The following TNKS variants were observed in gnomAD, a reference collection of about 807,000 sequenced individuals.
TNKS encodes tankyrase, also known as poly [ADP-ribose] polymerase tankyrase-1.
Under a neutral mutation model 135.8 loss-of-function variants are expected in TNKS, and 72 were observed. The ratio of observed to expected loss-of-function variants is 0.53; its 90% CI spans 0.44 to 0.64. TNKS has a LOEUF of 0.64. Ranked by LOEUF, TNKS falls within the 30% of genes least tolerant of loss-of-function variation. The pLI is 0.00. For missense variants in TNKS, 1,769 were observed against 1,674.0 expected (o/e 1.06, Z -0.99); for synonymous variants, 849 against 649.3 (o/e 1.31, Z -4.68).
intron 17 of TNKS, among the ~76,000 whole-genome samples, chr8:9,743,047 A>G (rs530635372): frequency 6.6e-5 from 10 of 152,236 alleles, no homozygotes; most frequent in South Asian, 4.1e-4. Context: ...TCCAGTCTAC[A>G]TTTCTATTAG....
intron 3 of TNKS, among the ~76,000 whole-genome samples, chr8:9,636,784 G>A (rs1433017479): frequency 6.6e-6 from 1 of 152,132 alleles, no homozygotes; most frequent in African/African-American, 2.4e-5. Context: ...TACGTTAGAT[G>A]GACACCAGAT....
At chr8:9,614,775 C>G (rs1379204008) in intron 2 of TNKS, among the ~76,000 whole-genome samples, 1 of 152,188 alleles carries the variant, frequency 6.6e-6, no homozygotes, top group African/African-American at 2.4e-5. Flanking sequence ...CCTCTCCACC[C>G]TCCCTACGTA....
At chr8:9,566,825 G>C (rs2129050483) in intron 1 of TNKS, among the ~76,000 whole-genome samples, 1 of 151,100 alleles carries the variant, frequency 6.6e-6, no homozygotes, top group East Asian at 1.9e-4. Context: ...AGCCAGGATG[G>C]TCTCGATCTC....
intron 5 of TNKS, among the ~76,000 whole-genome samples, chr8:9,699,265 C>G (rs555084209): frequency 5.3e-5 from 8 of 152,320 alleles, no homozygotes; most frequent in African/African-American, 1.9e-4. Flanking sequence ...TTTACCATTG[C>G]TTTGCCATTT....
At chr8:9,598,637 A>C (rs1798883070) in intron 2 of TNKS, among the ~76,000 whole-genome samples, 1 of 150,764 alleles carries the variant, frequency 6.6e-6, no homozygotes, top group Admixed American at 6.6e-5. Flanking sequence ...CGGAGGTTGC[A>C]GTGAGCTGAG....
At chr8:9,769,443 C>A (rs1323546690) in intron 25 of TNKS, among the ~76,000 whole-genome samples, 1 of 152,092 alleles carries the variant, frequency 6.6e-6, no homozygotes, top group African/African-American at 2.4e-5. Flanking sequence ...TTTACCTCAT[C>A]CCAGTTTCTA....
intron 3 of TNKS, among the ~76,000 whole-genome samples, chr8:9,664,815 A>T (rs947197358): frequency 5.9e-5 from 9 of 152,218 alleles, no homozygotes; most frequent in African/African-American, 2.2e-4. Flanking sequence ...ACTCTAGAAG[A>T]GACCTTAAAT....
At chr8:9,652,788 TTGAG>T (rs1219600492) in intron 3 of TNKS, among the ~76,000 whole-genome samples, 7 of 152,150 alleles carry the variant, frequency 4.6e-5, no homozygotes, top group Non-Finnish European at 8.8e-5. Flanking sequence ...GAGTCAAACA[TTGAG>T]TGTTTTATTT....
rs1053007915 is a variant in TNKS, at chr8:9,780,295, G to A, written c.*3559G>A. The A allele has an allele frequency of 2.7e-5, 4 of 150,866 alleles. No individual in the cohort carries two copies. Among genetic ancestry groups the A allele is most frequent in the African/African-American group, 9.8e-5 (4 of 40,978 alleles). The allele number at this position is 150,866 out of a possible 1,614,324, so 9.3% of individuals were successfully genotyped here. A position where few individuals can be genotyped will look rare whatever the true frequency, so the allele number is the denominator to read the frequency against. The stretch of plus-strand genomic sequence containing the variant: ...CAAGCACCTTTCCCCCATTGTATCC[G>A]AATCCCTCTTGTGTGATATCTGTGA... On this transcript the variant is annotated 3_prime_UTR_variant, in exon 27 of 27. Coordinates refer to ENST00000310430, the MANE Select transcript of TNKS (RefSeq NM_003747.3).
intron 17 of TNKS, among the ~76,000 whole-genome samples, chr8:9,745,934 G>T (rs1282115968): frequency 6.6e-6 from 1 of 152,186 alleles, no homozygotes; most frequent in African/African-American, 2.4e-5. Context: ...CTTCAAGAGT[G>T]CAGGGAAGAC....
chr8:9,696,411 A>T (rs1011171560), intron 5 of TNKS, among the ~76,000 whole-genome samples: 1 of 152,194 alleles, frequency 6.6e-6, no homozygotes, highest in Non-Finnish European at 1.5e-5. Context: ...ATAAATGACC[A>T]CTAAGAAATA....
chr8:9,711,019 A>C (rs1804303893), intron 11 of TNKS, among the ~76,000 whole-genome samples: 1 of 152,192 alleles, frequency 6.6e-6, no homozygotes, highest in South Asian at 2.1e-4. Context: ...AACTTTGTCA[A>C]GCACTTAAGA....
chr8:9,659,697 C>T (rs1046904951), intron 3 of TNKS, among the ~76,000 whole-genome samples: 2 of 152,090 alleles, frequency 1.3e-5, no homozygotes, highest in Non-Finnish European at 2.9e-5. Context: ...ACAGCAAACA[C>T]ATTCAAAAGC....
intron 5 of TNKS, among the ~76,000 whole-genome samples, chr8:9,686,135 T>G (rs1802984804): frequency 6.6e-6 from 1 of 152,204 alleles, no homozygotes; most frequent in Non-Finnish European, 1.5e-5. Flanking sequence ...AGTGATACTC[T>G]GTCCTATTCA....
At chr8:9,726,615 T>C (rs372838415) in intron 12 of TNKS, 26 bp from the exon 13 acceptor site, 3 of 1,557,064 alleles carry the variant, frequency 1.9e-6, no homozygotes, top group Non-Finnish European at 2.6e-6. Context: ...GATATATATA[T>C]GAGTTCTTTC....
At chr8:9,652,490 A>G (rs1801183486) in intron 3 of TNKS, among the ~76,000 whole-genome samples, 1 of 152,204 alleles carries the variant, frequency 6.6e-6, no homozygotes, top group Non-Finnish European at 1.5e-5. Flanking sequence ...GGGATGCAGG[A>G]AAATATTTAG....
chr8:9,763,621 C>T (rs889275135), intron 22 of TNKS, among the ~76,000 whole-genome samples: 3 of 152,128 alleles, frequency 2.0e-5, no homozygotes, highest in African/African-American at 7.2e-5. Context: ...TGTTTTTATG[C>T]AGTTATAAAT....
chr8:9,615,798 T>C, intron 3 of TNKS, 121 bp downstream of exon 3: 5 of 673,170 alleles, frequency 7.4e-6, no homozygotes, highest in Non-Finnish European at 1.3e-5. Context: ...TATCTGCCAT[T>C]ATCTACTACT....
At chr8:9,717,655 T>C (rs1804676237) in intron 11 of TNKS, among the ~76,000 whole-genome samples, 1 of 152,200 alleles carries the variant, frequency 6.6e-6, no homozygotes, top group Admixed American at 6.5e-5. Flanking sequence ...TATCTGTTTA[T>C]ACAAGGCATG....
Sources: gnomAD v4.1 joint callset for allele counts (sites outside exome capture counted in the v4.1 genomes callset) on GRCh38, gnomAD v4.1.1 for gene constraint, MANE v1.5 for transcripts, NCBI Gene and HGNC (gene_info 2026-07-23, HGNC 2026-07-21) for gene names.